Variants in FREM2 observed in about 807,000 individuals in gnomAD.
The protein encoded by FREM2 is FRAS1 related extracellular matrix 2, also known as FRAS1-related extracellular matrix protein 2.
FREM2 carries 119 observed loss-of-function variants against 219.9 expected under a neutral mutation model. The observed-to-expected ratio is 0.54, with a 90% CI of 0.47 to 0.63. The LOEUF is 0.63. Ranked by LOEUF, FREM2 falls within the 30% of genes least tolerant of loss-of-function variation. The pLI is 0.00. For synonymous variants in FREM2, 1,562 were observed against 1,522.8 expected (o/e 1.03, Z -0.60); for missense variants, 4,030 against 3,993.6 (o/e 1.01, Z -0.25).
chr13:38,836,452 G>A (rs1876711081), intron 6 of FREM2, among the ~76,000 whole-genome samples: 1 of 152,182 alleles, frequency 6.6e-6, no homozygotes. Flanking sequence ...GATGATGCTG[G>A]CCTCATGAAA....
intron 6 of FREM2, among the ~76,000 whole-genome samples, chr13:38,792,054 A>T (rs985537141): frequency 2.0e-5 from 3 of 152,238 alleles, no homozygotes; most frequent in African/African-American, 7.2e-5. Flanking sequence ...GAAAACAAAA[A>T]TGTCCCTTTA....
At chr13:38,720,105 A>G (rs1284660985) in intron 2 of FREM2, among the ~76,000 whole-genome samples, 2 of 152,340 alleles carry the variant, frequency 1.3e-5, no homozygotes, top group Middle Eastern at 3.4e-3. Context: ...GAAGTGTAAC[A>G]GTGCCAATTT....
chr13:38,802,417 A>T (rs948464935), intron 6 of FREM2, among the ~76,000 whole-genome samples: 3 of 151,730 alleles, frequency 2.0e-5, no homozygotes, highest in Admixed American at 1.3e-4. Context: ...CCAGGGCATA[A>T]CGCAGGCCTT....
chr13:38,776,871 A>G (rs1338429278), intron 4 of FREM2, among the ~76,000 whole-genome samples: 1 of 151,788 alleles, frequency 6.6e-6, no homozygotes, highest in Non-Finnish European at 1.5e-5. Context: ...CATTGTTAAC[A>G]TTTGAGAGCA....
intron 6 of FREM2, among the ~76,000 whole-genome samples, chr13:38,795,368 T>C (rs1162368032): frequency 6.6e-6 from 1 of 150,886 alleles, no homozygotes; most frequent in East Asian, 1.9e-4. Flanking sequence ...TGGTAGTGGG[T>C]ATACTAGATG....
intron 2 of FREM2, among the ~76,000 whole-genome samples, chr13:38,723,749 A>T (rs551903061): frequency 6.6e-6 from 1 of 152,240 alleles, no homozygotes; most frequent in Non-Finnish European, 1.5e-5. Flanking sequence ...GCTATGTACC[A>T]TTTAGAAAAT....
At chr13:38,742,412 AG>A (rs1364583853) in intron 2 of FREM2, among the ~76,000 whole-genome samples, 1 of 152,226 alleles carries the variant, frequency 6.6e-6, no homozygotes, top group African/African-American at 2.4e-5. Flanking sequence ...AATTTGGCAC[AG>A]GGGGCAAATA....
intron 15 of FREM2, among the ~76,000 whole-genome samples, 192 bp downstream of exon 15, chr13:38,861,754 A>G (rs772170810): frequency 6.6e-6 from 1 of 152,232 alleles, no homozygotes; most frequent in Non-Finnish European, 1.5e-5. Context: ...CAGTGTAAGC[A>G]TTCGTTAAAA....
intron 4 of FREM2, among the ~76,000 whole-genome samples, chr13:38,781,714 G>GA (rs1168067236): frequency 8.5e-5 from 13 of 152,172 alleles, no homozygotes; most frequent in African/African-American, 3.1e-4. Context: ...CTGAAAATGA[G>GA]TAATTTAAAA....
rs929298787 is a variant in FREM2, at chr13:38,851,820, A to G, written c.6877A>G (p.Lys2293Glu). Residue 2293 changes from lysine to glutamate, a missense_variant, in exon 11 of 24, where the codon AAG (lysine) becomes GAG (glutamate). This residue lies in a region of FREM2 where 3,102 missense variants were observed against 2,950.7 expected (regional missense o/e 1.05). Transcript: ENST00000280481. ...SKVSIVRVHT[K>E]DGSATSGEDY... ...GGTTTCCATTGTGAGAGTCCACACC[A>G]AGGATGGCTCGGCCACCTCTGGAGA... 4 of 1,613,880 alleles carry G rather than the reference A, an allele frequency of 2.5e-6. No homozygotes were observed. Among genetic ancestry groups the G allele is most frequent in the Non-Finnish European group, 3.4e-6 (4 of 1,179,946 alleles).
chr13:38,693,457 G>A (rs1418746808), intron 1 of FREM2, among the ~76,000 whole-genome samples: 3 of 152,200 alleles, frequency 2.0e-5, no homozygotes, highest in Admixed American at 6.5e-5. Context: ...GAGGCAGAAA[G>A]GACAAGTGTC....
At chr13:38,853,087 G>T in intron 11 of FREM2, among the ~76,000 whole-genome samples, 1 of 151,856 alleles carries the variant, frequency 6.6e-6, no homozygotes, top group East Asian at 2.0e-4. Flanking sequence ...CAGCACTTTG[G>T]GAGGCCAAGG....
intron 2 of FREM2, among the ~76,000 whole-genome samples, chr13:38,721,825 C>A (rs1871277515): frequency 6.6e-6 from 1 of 152,078 alleles, no homozygotes; most frequent in African/African-American, 2.4e-5. Flanking sequence ...ATCTACTAAT[C>A]CCAGAAATTA....
At position 38,880,619 on chromosome 13, in the gene FREM2, G is replaced by T; in HGVS notation, c.9342G>T (p.Val3114=). Residue 3114 remains valine, a synonymous_variant, in exon 24 of 24, where the codon GTG becomes GTT. Coordinates refer to ENST00000280481, the MANE Select transcript of FREM2 (RefSeq NM_207361.6). ...SPSSAVSLVT[V]VGGTTVGLLT... is the part of the protein sequence containing the mutation. ...GCTCTGCAGTCAGCCTGGTCACTGTGGTGGGAGGCACCACGGTAGGGTTAC... is the reference window on the plus strand; with the variant it reads ...GCTCTGCAGTCAGCCTGGTCACTGTTGTGGGAGGCACCACGGTAGGGTTAC... 1 of 1,613,836 alleles carries T rather than the reference G, an allele frequency of 6.2e-7. No individual in the cohort carries two copies. Among genetic ancestry groups the T allele is most frequent in the Non-Finnish European group, 8.5e-7 (1 of 1,179,714 alleles).
At chr13:38,778,250 C>A (rs2137824131) in intron 4 of FREM2, among the ~76,000 whole-genome samples, 1 of 152,276 alleles carries the variant, frequency 6.6e-6, no homozygotes, top group Middle Eastern at 3.4e-3. Context: ...GTGGCTTAAA[C>A]AACAGACATT....
chr13:38,871,340 T>C (rs1286964898), intron 16 of FREM2, among the ~76,000 whole-genome samples: 1 of 152,210 alleles, frequency 6.6e-6, no homozygotes, highest in Non-Finnish European at 1.5e-5. Context: ...TGATTCTTGT[T>C]GTGAGCTGTG....
At chr13:38,830,652 G>A (rs1002651798) in intron 6 of FREM2, among the ~76,000 whole-genome samples, 3 of 152,122 alleles carry the variant, frequency 2.0e-5, no homozygotes, top group Non-Finnish European at 1.5e-5. Flanking sequence ...CTGGGCTTTC[G>A]CCCTTTCCTA....
Position 38,880,835 on chromosome 13 carries a change from T to G in FREM2, c.*48T>G, listed in dbSNP as rs780524190. The G allele has an allele frequency of 5.6e-6, 9 of 1,603,324 alleles. No individual in the cohort carries two copies. The East Asian group carries it at 1.8e-4, about 32-fold the overall frequency. On this transcript the variant is annotated 3_prime_UTR_variant, in exon 24 of 24. Coordinates refer to ENST00000280481, the MANE Select transcript of FREM2 (RefSeq NM_207361.6). The stretch of plus-strand genomic sequence containing the variant: ...TTTTCCGTAAGTGCCTCGGAAAAGA[T>G]CACAATGGAACCTTAAATACTTCTG...
rs371436791 is a variant in FREM2, at chr13:38,824,147, ATATGT to A, written c.6020-22421_6020-22417del. ...ACAGAGTGGTAGTATTGTGGGAAAG[ATATGT>A]TATGATGATTTTATGTAGAGAAGAA... On this transcript the variant is annotated intron_variant, in intron 6 of 23. Coordinates refer to ENST00000280481, the MANE Select transcript of FREM2 (RefSeq NM_207361.6). 6.1e-4 allele frequency among the ~76,000 whole-genome samples: 93 copies of A among 152,200 alleles called. 1 individual carries two copies. The highest frequency in any genetic ancestry group is 2.1e-3 in the African/African-American group (89 of 41,546).
Sources: gnomAD v4.1 joint callset for allele counts (sites outside exome capture counted in the v4.1 genomes callset) on GRCh38, gnomAD v4.1.1 for gene constraint, gnomAD v4.1.1 regional missense constraint, MANE v1.5 for transcripts, NCBI Gene and HGNC (gene_info 2026-07-23, HGNC 2026-07-21) for gene names.